Variants in MTA3 observed in about 807,000 individuals in gnomAD.
MTA3 encodes the protein metastasis-associated protein MTA3.
In MTA3, 34 loss-of-function variants were observed where a neutral mutation model predicts 83.5. The observed-to-expected ratio is 0.41, with a 90% CI of 0.31 to 0.54. The LOEUF (loss-of-function observed/expected upper bound fraction) is 0.54. MTA3 is among the 20% of genes least tolerant of loss of function. The pLI is 0.33. For synonymous variants in MTA3, 303 were observed against 252.7 expected (o/e 1.20, Z -1.89); for missense variants, 761 against 726.4 (o/e 1.05, Z -0.55).
intron 14 of MTA3, among the ~76,000 whole-genome samples, chr2:42,713,415 T>G (rs1245192242): frequency 6.6e-6 from 1 of 152,210 alleles, no homozygotes; most frequent in East Asian, 1.9e-4. Flanking sequence ...TTGGTTTGCT[T>G]CTTTTGGTAT....
In MTA3 at chr2:42,647,567, A is replaced by T. The variant is rs376956653; in HGVS notation, c.499+3323A>T. On this transcript the variant is annotated intron_variant, in intron 6 of 16. Coordinates refer to ENST00000405094, the MANE Select transcript of MTA3 (RefSeq NM_001330442.2). ...CGCCTCCCACTGCCAGCAGTCTTGGAATGTTTTAACCAGAAACAAGGAATG... is the reference window on the plus strand; with the variant it reads ...CGCCTCCCACTGCCAGCAGTCTTGGTATGTTTTAACCAGAAACAAGGAATG... 6.6e-5 allele frequency among the ~76,000 whole-genome samples: 8 copies of T among 121,414 alleles called. No homozygotes were observed. In the East Asian group the frequency reaches 1.7e-3, roughly 26 times the overall value. The allele number at this position is 121,414 out of a possible 152,430, so 79.7% of individuals were successfully genotyped here.
chr2:42,679,815 G>A (rs1691706110), intron 8 of MTA3, among the ~76,000 whole-genome samples: 1 of 150,436 alleles, frequency 6.6e-6, no homozygotes, highest in African/African-American at 2.4e-5. Context: ...ATCTTTTAAG[G>A]TAATGAATTA....
At chr2:42,750,044 T>G (rs544688100) in intron 16 of MTA3, among the ~76,000 whole-genome samples, 1 of 152,094 alleles carries the variant, frequency 6.6e-6, no homozygotes, top group Non-Finnish European at 1.5e-5. Context: ...CAGGCTGGAG[T>G]GCAGTGGCAC....
At chr2:42,724,787 G>A (rs1667700328) in intron 16 of MTA3, among the ~76,000 whole-genome samples, 2 of 152,174 alleles carry the variant, frequency 1.3e-5, no homozygotes, top group Admixed American at 6.5e-5. Flanking sequence ...AGTATCACAG[G>A]TACCTGTTTT....
intron 12 of MTA3, among the ~76,000 whole-genome samples, chr2:42,705,522 T>G (rs1666003263): frequency 6.6e-6 from 1 of 152,138 alleles, no homozygotes; most frequent in Non-Finnish European, 1.5e-5. Flanking sequence ...CTGGCCAACA[T>G]GGTGAAACCC....
intron 16 of MTA3, among the ~76,000 whole-genome samples, chr2:42,747,918 C>G (rs1473115388): frequency 6.6e-6 from 1 of 152,048 alleles, no homozygotes; most frequent in African/African-American, 2.4e-5. Flanking sequence ...CAACAGTTTT[C>G]TTGCACCCCA....
At chr2:42,589,686 G>A (rs942746766) in intron 3 of MTA3, among the ~76,000 whole-genome samples, 10 of 152,238 alleles carry the variant, frequency 6.6e-5, no homozygotes, top group African/African-American at 2.4e-4. Flanking sequence ...TGGAGTAGTT[G>A]GGATTACAGA....
chr2:42,596,525 G>T (rs565044084), intron 3 of MTA3, among the ~76,000 whole-genome samples: 3 of 152,186 alleles, frequency 2.0e-5, no homozygotes, highest in African/African-American at 7.2e-5. Flanking sequence ...TATTATAAAG[G>T]TTTATTATTT....
intron 16 of MTA3, among the ~76,000 whole-genome samples, chr2:42,748,242 T>TGTG (rs1553402303): frequency 6.7e-5 from 10 of 150,122 alleles, no homozygotes; most frequent in South Asian, 2.1e-4. Context: ...TGTGTGTGTG[T>TGTG]TTTAGTAGAG....
intron 12 of MTA3, among the ~76,000 whole-genome samples, chr2:42,707,356 G>T (rs1666190745): frequency 6.6e-6 from 1 of 151,574 alleles, no homozygotes; most frequent in African/African-American, 2.4e-5. Flanking sequence ...CAATTCTACT[G>T]CCTCAGCCTA....
chr2:42,594,397 C>T (rs549127407), intron 3 of MTA3, among the ~76,000 whole-genome samples: 91 of 149,518 alleles, frequency 6.1e-4, no homozygotes, highest in African/African-American at 2.1e-3. Context: ...CCACCATGCC[C>T]GGCTAATTTT....
intron 12 of MTA3, among the ~76,000 whole-genome samples, chr2:42,706,744 CA>C (rs1216193657): frequency 6.6e-6 from 1 of 152,166 alleles, no homozygotes. Context: ...CAAAAACTAA[CA>C]CAAGCTTACA....
intron 3 of MTA3, among the ~76,000 whole-genome samples, chr2:42,609,038 T>TTA (rs1214329138): frequency 6.6e-6 from 1 of 151,004 alleles, no homozygotes; most frequent in Non-Finnish European, 1.5e-5. Flanking sequence ...TTTAATTTTT[T>TTA]TTTTTTTTTT....
At chr2:42,589,889 G>A (rs954624175) in intron 3 of MTA3, among the ~76,000 whole-genome samples, 2 of 152,110 alleles carry the variant, frequency 1.3e-5, no homozygotes, top group Non-Finnish European at 2.9e-5. Flanking sequence ...GTATCCTGGA[G>A]GTTTTTACTC....
At chr2:42,537,859 A>G (rs1676320949) in intron 2 of MTA3, among the ~76,000 whole-genome samples, 2 of 152,000 alleles carry the variant, frequency 1.3e-5, no homozygotes, top group Admixed American at 1.3e-4. Context: ...TTCTTAGGAG[A>G]TATATGTTGA....
intron 4 of MTA3, among the ~76,000 whole-genome samples, chr2:42,611,822 TAATA>T (rs1278376825): frequency 6.6e-6 from 1 of 152,038 alleles, no homozygotes; most frequent in Non-Finnish European, 1.5e-5. Context: ...GTGAAATAAA[TAATA>T]AATAGGTGAG....
At chr2:42,621,979 C>A (rs1335886632) in intron 4 of MTA3, among the ~76,000 whole-genome samples, 2 of 151,234 alleles carry the variant, frequency 1.3e-5, no homozygotes, top group African/African-American at 4.9e-5. Flanking sequence ...CAGGCAGAGA[C>A]GCTCCTCACT....
intron 16 of MTA3, among the ~76,000 whole-genome samples, chr2:42,744,455 T>C (rs2104590177): frequency 6.6e-6 from 1 of 152,248 alleles, no homozygotes. Context: ...GTGACAGCAG[T>C]CCATGGTTCA....
At position 42,755,321 on chromosome 2, in the gene MTA3, C is replaced by T. The variant is rs912403761; in HGVS notation, c.*1922C>T. On this transcript the variant is annotated 3_prime_UTR_variant, in exon 17 of 17. Transcript: ENST00000405094. Reference sequence around the variant, plus strand: ...TGGAAACAATTAGCTGCCCGTGACTCAGCTGCCAGCTTCATTTTCTCTGCC... The same window carrying T: ...TGGAAACAATTAGCTGCCCGTGACTTAGCTGCCAGCTTCATTTTCTCTGCC... 2 of 985,356 alleles carry T rather than the reference C, an allele frequency of 2.0e-6. No homozygotes were observed. Among genetic ancestry groups the T allele is most frequent in the Non-Finnish European group, 2.4e-6 (2 of 829,982 alleles). The allele number at this position is 985,356 out of a possible 1,614,324, so 61.0% of individuals were successfully genotyped here.
Sources: allele counts gnomAD v4.1 joint callset (sites outside exome capture counted in the v4.1 genomes callset), GRCh38; gene constraint gnomAD v4.1.1; transcripts MANE v1.5; gene names NCBI Gene and HGNC (gene_info 2026-07-23, HGNC 2026-07-21).